The following LTBP1 variants were observed in gnomAD, a reference collection of about 807,000 sequenced individuals.
LTBP1 encodes the protein latent transforming growth factor beta binding protein 1.
A neutral mutation model predicts 207.6 loss-of-function variants in LTBP1; 129 were observed. The observed-to-expected ratio is 0.62, with a 90% CI of 0.54 to 0.72. LTBP1 has a LOEUF of 0.72. Among genes scored for constraint, LTBP1 ranks in the 30% least tolerant of loss-of-function variants. The pLI, the probability that LTBP1 is intolerant of heterozygous loss-of-function variation, is 0.00. For missense variants in LTBP1, 2,281 were observed against 2,217.2 expected, an observed-to-expected ratio of 1.03 and a Z score of -0.58; for synonymous variants, 963 against 833.7, an observed-to-expected ratio of 1.16 and a Z score of -2.67.
chr2:33,098,606 A>AT (rs998227500), intron 3 of LTBP1, among the ~76,000 whole-genome samples: 567 of 143,024 alleles, frequency 4.0e-3, no homozygotes, highest in African/African-American at 0.013. Context: ...TGAATTTTGT[A>AT]TTTTTTTTTT....
At chr2:32,958,660 A>G (rs965176637) in intron 2 of LTBP1, among the ~76,000 whole-genome samples, 4 of 152,200 alleles carry the variant, frequency 2.6e-5, no homozygotes, top group Non-Finnish European at 5.9e-5. Context: ...CGATGTTGCT[A>G]ATGCTGTCCT....
rs530550005 is a variant in LTBP1 at position 33,110,211 on chromosome 2, C to T, written c.864-371C>T. Among the ~76,000 whole-genome samples the T allele has an allele frequency of 1.1e-4, 17 of 152,336 alleles. No homozygotes were observed. The South Asian group carries it at 3.3e-3, about 30-fold the overall frequency. The stretch of plus-strand genomic sequence containing the variant: ...GCTCAAGCGATCCTCCCATCTCAGC[C>T]TCCTGAGTAGCTAGGACTACAGTCA... On this transcript the variant is annotated intron_variant, in intron 3 of 33. Coordinates refer to ENST00000404816, the MANE Select transcript of LTBP1 (RefSeq NM_206943.4).
chr2:33,331,660 A>C (rs932097662), intron 24 of LTBP1, among the ~76,000 whole-genome samples: 1 of 152,092 alleles, frequency 6.6e-6, no homozygotes, highest in African/African-American at 2.4e-5. Context: ...GCTTGAAAAC[A>C]ATTTATATTA....
chr2:33,240,239 A>G (rs922205510), intron 9 of LTBP1, among the ~76,000 whole-genome samples: 2 of 152,224 alleles, frequency 1.3e-5, no homozygotes, highest in African/African-American at 2.4e-5. Context: ...TTTAAGTATA[A>G]ATAGAATTCT....
chr2:33,272,633 T>G (rs1011618522), intron 15 of LTBP1, among the ~76,000 whole-genome samples: 11 of 152,210 alleles, frequency 7.2e-5, no homozygotes, highest in African/African-American at 2.7e-4. Flanking sequence ...TCTGATTATT[T>G]CCATTTTACA....
intron 8 of LTBP1, among the ~76,000 whole-genome samples, chr2:33,219,938 A>T (rs1437346399): frequency 6.6e-6 from 1 of 151,946 alleles, no homozygotes; most frequent in African/African-American, 2.4e-5. Flanking sequence ...ATCTAAGATG[A>T]GTTCACTGAT....
intron 2 of LTBP1, among the ~76,000 whole-genome samples, chr2:33,013,502 G>T: frequency 6.8e-6 from 1 of 147,370 alleles, no homozygotes; most frequent in Non-Finnish European, 1.5e-5. Flanking sequence ...TTTCCCTTTT[G>T]CTATTTTAAT....
chr2:33,015,647 G>C (rs1688272830), intron 2 of LTBP1, among the ~76,000 whole-genome samples: 3 of 152,268 alleles, frequency 2.0e-5, no homozygotes, highest in African/African-American at 7.2e-5. Flanking sequence ...GGGTGGGTCT[G>C]TTAGTCACTT....
At chr2:33,290,602 C>T (rs1345765853) in intron 19 of LTBP1, among the ~76,000 whole-genome samples, 3 of 152,054 alleles carry the variant, frequency 2.0e-5, no homozygotes, top group African/African-American at 7.2e-5. Flanking sequence ...GGCAGTAACT[C>T]GGGTGAGAAA....
rs748321355 is a variant in LTBP1 at position 33,188,773 on chromosome 2, G to A, written c.1623G>A (p.Gln541=). The change falls in exon 7 of 34, where the codon CAG becomes CAA. Residue 541 remains glutamine (Q), a synonymous_variant. Coordinates refer to ENST00000404816, the MANE Select transcript of LTBP1 (RefSeq NM_206943.4). The part of the protein sequence containing the change: ...TQTIHSTYSH[Q]QVIPHVYPVA... ...CCATACATTCCACATACTCCCACCA[G>A]CAGGTCATTCCTCACGTCTACCCCG... 3 of 1,614,152 alleles carry A rather than the reference G, an allele frequency of 1.9e-6. No homozygotes were observed. In the Admixed American group the frequency reaches 5.0e-5, roughly 27 times the overall value.
At chr2:32,952,278 G>A (rs1301999302) in intron 2 of LTBP1, among the ~76,000 whole-genome samples, 2 of 152,142 alleles carry the variant, frequency 1.3e-5, no homozygotes, top group African/African-American at 2.4e-5. Context: ...ACAAGCAAGC[G>A]GCAGACTCAC....
chr2:33,248,841 C>T (rs983566745), intron 10 of LTBP1, among the ~76,000 whole-genome samples: 2 of 152,138 alleles, frequency 1.3e-5, no homozygotes, highest in African/African-American at 4.8e-5. Context: ...CCCACCTCTG[C>T]CTCCCAAAGT....
At chr2:33,124,381 G>A (rs1475528152) in intron 4 of LTBP1, among the ~76,000 whole-genome samples, 2 of 152,116 alleles carry the variant, frequency 1.3e-5, no homozygotes, top group Non-Finnish European at 2.9e-5. Flanking sequence ...CTGCACTCCA[G>A]CTTGGGTGAT....
chr2:33,290,754 T>G lies in LTBP1; in HGVS notation c.3113-2406T>G, dbSNP rs571810455. Among the ~76,000 whole-genome samples the G allele has an allele frequency of 7.2e-5, 11 of 152,204 alleles. No homozygotes were observed. The South Asian group carries it at 8.3e-4, about 11-fold the overall frequency. ...TTGAGTAGATAATGGTACTAGATAT[T>G]GGTGTGAAAAATAACATAAAGAAAA... is the stretch of plus-strand genomic sequence containing the variant. On this transcript the variant is annotated intron_variant, in intron 19 of 33. Coordinates refer to ENST00000404816, the MANE Select transcript of LTBP1 (RefSeq NM_206943.4).
chr2:33,099,769 A>T (rs1359789195), intron 3 of LTBP1, among the ~76,000 whole-genome samples: 1 of 152,142 alleles, frequency 6.6e-6, no homozygotes, highest in Non-Finnish European at 1.5e-5. Context: ...CCTCCTACCC[A>T]TTGGATTTAT....
At position 33,123,654 on chromosome 2, in the gene LTBP1, T is replaced by C. The variant is rs111411233; in HGVS notation, c.1034-11139T>C. Among the ~76,000 whole-genome samples the C allele has an allele frequency of 2.9e-3, 443 of 152,342 alleles. 1 individual carries two copies. The highest frequency in any genetic ancestry group is 1.0e-2 in the African/African-American group (414 of 41,566). ...ATACAAACAGATGTGCTGAAGGCATTGTGAATTGTATTCTTGTTATCAAAG... is the reference window on the plus strand; with the variant it reads ...ATACAAACAGATGTGCTGAAGGCATCGTGAATTGTATTCTTGTTATCAAAG... On this transcript the variant is annotated intron_variant, in intron 4 of 33. Transcript: ENST00000404816.
At chr2:33,130,393 CTG>C (rs1343548813) in intron 4 of LTBP1, among the ~76,000 whole-genome samples, 3 of 152,192 alleles carry the variant, frequency 2.0e-5, no homozygotes, top group South Asian at 4.1e-4. Context: ...GCTGAGGAGA[CTG>C]TATTTGTTCA....
intron 29 of LTBP1, 122 bp from the exon 30 acceptor site, chr2:33,364,094 T>C: frequency 1.2e-6 from 1 of 830,318 alleles, no homozygotes; most frequent in South Asian, 1.9e-5. Flanking sequence ...TAATGTGTGG[T>C]TAATTAAAAT....
At chr2:33,246,327 G>A (rs1373695321) in intron 10 of LTBP1, among the ~76,000 whole-genome samples, 1 of 152,194 alleles carries the variant, frequency 6.6e-6, no homozygotes, top group Non-Finnish European at 1.5e-5. Flanking sequence ...GGTGAATTCT[G>A]TGAAGAGCTT....
Sources: gnomAD v4.1 joint callset for allele counts (sites outside exome capture counted in the v4.1 genomes callset) on GRCh38, gnomAD v4.1.1 for gene constraint, MANE v1.5 for transcripts, NCBI Gene and HGNC (gene_info 2026-07-23, HGNC 2026-07-21) for gene names.